Variants in LRRK2 observed in about 807,000 individuals in gnomAD.
LRRK2 encodes the protein leucine-rich repeat serine/threonine-protein kinase 2.
LRRK2 carries 203 observed loss-of-function variants against 302.6 expected under a neutral mutation model. The observed-to-expected ratio is 0.67, with a 90% CI of 0.60 to 0.75. The LOEUF (loss-of-function observed/expected upper bound fraction) is 0.75. Ranked by LOEUF, LRRK2 falls within the 30% of genes least tolerant of loss-of-function variation. The pLI is 0.00. For synonymous variants in LRRK2, 1,066 were observed against 1,031.9 expected, an observed-to-expected ratio of 1.03 and a Z score of -0.63; for missense variants, 2,830 against 2,951.0, an observed-to-expected ratio of 0.96 and a Z score of 0.95.
rs1172937056 is a variant in LRRK2, at chr12:40,298,392, T to C, written c.3246T>C (p.Cys1082=). The C allele has an allele frequency of 6.2e-7, 1 of 1,614,008 alleles. No individual in the cohort carries two copies. Among genetic ancestry groups the C allele is most frequent in the East Asian group, 2.2e-5 (1 of 44,852 alleles). ...TGGTTTTAGATCCTACAGTGAAATG[T>C]CCAACTCTGAAACAGTTTAACCTGT... is the stretch of plus-strand genomic sequence containing the variant. ...PSVVLDPTVK[C]PTLKQFNLSY... is the part of the protein sequence containing the mutation. Residue 1082 remains cysteine (C), a synonymous_variant, in exon 24 of 51, where the codon TGT becomes TGC. Transcript: ENST00000298910.
chr12:40,280,889 A>G (rs1478929810), intron 18 of LRRK2, among the ~76,000 whole-genome samples: 1 of 151,588 alleles, frequency 6.6e-6, no homozygotes, highest in Non-Finnish European at 1.5e-5. Context: ...ACCCGGTGAA[A>G]CCTTGTTTCT....
At chr12:40,254,795 T>C (rs886302046) in intron 11 of LRRK2, among the ~76,000 whole-genome samples, 11 of 152,180 alleles carry the variant, frequency 7.2e-5, no homozygotes, top group African/African-American at 2.7e-4. Flanking sequence ...TCCTTACTTC[T>C]TTGTTCCTGA....
rs573319013 is a variant in LRRK2, at chr12:40,255,017, C to T, written c.1288+2001C>T. The stretch of plus-strand genomic sequence containing the variant: ...CATTGGCAGGCAGAAGAACTGCGTC[C>T]TTGGAATCATGGAGGTCCCAAGGTT... On this transcript the variant is annotated intron_variant, in intron 11 of 50. Coordinates refer to ENST00000298910, the MANE Select transcript of LRRK2 (RefSeq NM_198578.4). Among the ~76,000 whole-genome samples the T allele has an allele frequency of 2.0e-5, 3 of 152,226 alleles. No homozygotes were observed. In the East Asian group the frequency reaches 5.8e-4, roughly 29 times the overall value.
intron 7 of LRRK2, among the ~76,000 whole-genome samples, chr12:40,246,283 A>G (rs140733093): frequency 3.0e-4 from 46 of 151,948 alleles, no homozygotes; most frequent in African/African-American, 1.1e-3. Context: ...TTATGTTAAT[A>G]TGAAGAAATA....
Position 40,263,991 on chromosome 12 carries a change from T to G in LRRK2, c.1656+90T>G, listed in dbSNP as rs987204480. 4.5e-6 allele frequency: 4 copies of G among 890,322 alleles called. No individual in the cohort carries two copies. The African/African-American group carries it at 5.1e-5, about 11-fold the overall frequency. 55.2% of individuals were successfully genotyped at this position (890,322 alleles called of 1,614,324 possible). On this transcript the variant is annotated intron_variant, in intron 14 of 50. Transcript: ENST00000298910. ...GGGCGCTTTTTCAGTCTAAGTTTTC[T>G]GTTCTCCGTTTGCTATGATAGGAGG...
At chr12:40,291,380 T>G (rs1356439537) in intron 20 of LRRK2, among the ~76,000 whole-genome samples, 3 of 151,552 alleles carry the variant, frequency 2.0e-5, no homozygotes, top group Non-Finnish European at 4.4e-5. Context: ...TATACATATG[T>G]AACAAACCTG....
At chr12:40,348,540 C>G in intron 43 of LRRK2, 31 bp downstream of exon 43, 1 of 1,425,472 alleles carries the variant, frequency 7.0e-7, no homozygotes, top group South Asian at 1.2e-5. Flanking sequence ...ATATTTTGTA[C>G]AGAACATCAT....
intron 35 of LRRK2, 104 bp downstream of exon 35, chr12:40,321,292 T>C: frequency 8.8e-7 from 1 of 1,131,564 alleles, no homozygotes; most frequent in Non-Finnish European, 1.3e-6. Flanking sequence ...TAATATGCCA[T>C]TTTCTCAGAG....
chr12:40,259,468 T>C lies in LRRK2; in HGVS notation c.1419-12T>C. The C allele has an allele frequency of 1.2e-6, 2 of 1,612,958 alleles. No individual in the cohort carries two copies. The highest frequency in any genetic ancestry group is 1.7e-6 in the Non-Finnish European group (2 of 1,179,182). Reference sequence around the variant, plus strand: ...CAGTCTTTCAATAAGCATGCCAATTTTATATCCCCAGCAACACTTCCCTGG... The same window carrying C: ...CAGTCTTTCAATAAGCATGCCAATTCTATATCCCCAGCAACACTTCCCTGG... On this transcript the variant is annotated splice_polypyrimidine_tract_variant and intron_variant, in intron 12 of 50. Transcript: ENST00000298910.
At chr12:40,324,528 C>G (rs981115600) in intron 38 of LRRK2, among the ~76,000 whole-genome samples, 1 of 152,218 alleles carries the variant, frequency 6.6e-6, no homozygotes, top group Admixed American at 6.5e-5. Flanking sequence ...ACAATTTTGA[C>G]CTTACTTTGT....
intron 7 of LRRK2, among the ~76,000 whole-genome samples, chr12:40,246,219 A>G (rs1186966203): frequency 6.6e-6 from 1 of 151,794 alleles, no homozygotes; most frequent in Non-Finnish European, 1.5e-5. Context: ...ATATTAAAAT[A>G]TTTAATTTTA....
At chr12:40,281,594 A>T (rs540858203) in intron 18 of LRRK2, among the ~76,000 whole-genome samples, 2 of 152,366 alleles carry the variant, frequency 1.3e-5, no homozygotes, top group East Asian at 3.9e-4. Context: ...TCCTGTCATG[A>T]AGCTGAAATT....
chr12:40,260,835 A>G (rs1286882013), intron 13 of LRRK2, among the ~76,000 whole-genome samples: 1 of 152,178 alleles, frequency 6.6e-6, no homozygotes, highest in Non-Finnish European at 1.5e-5. Flanking sequence ...TTGATGTGAC[A>G]TCGTGATCCC....
chr12:40,307,992 G>T (rs1051483587), intron 28 of LRRK2, among the ~76,000 whole-genome samples: 30 of 151,958 alleles, frequency 2.0e-4, no homozygotes, highest in African/African-American at 6.7e-4. Flanking sequence ...ATATTGGCCA[G>T]GCTGGTCTCA....
Position 40,305,770 on chromosome 12 carries a change from T to A in LRRK2, c.3778-15T>A. Reference sequence around the variant, plus strand: ...CTTCCCACCAACAGGTTTTGCCCTTTTTTTTCCCATTAAGATTCCTCCTGA... The same window carrying A: ...CTTCCCACCAACAGGTTTTGCCCTTATTTTTCCCATTAAGATTCCTCCTGA... On this transcript the variant is annotated splice_polypyrimidine_tract_variant and intron_variant, in intron 27 of 50. Coordinates refer to ENST00000298910, the MANE Select transcript of LRRK2 (RefSeq NM_198578.4). 6.2e-7 allele frequency: 1 copy of A among 1,612,940 alleles called. No homozygotes were observed. Among genetic ancestry groups the A allele is most frequent in the South Asian group, 1.1e-5 (1 of 91,052 alleles).
chr12:40,256,987 A>T (rs1204758657), intron 11 of LRRK2, among the ~76,000 whole-genome samples: 1 of 152,198 alleles, frequency 6.6e-6, no homozygotes. Context: ...CGGTGATTAC[A>T]TTAAAACCAT....
intron 45 of LRRK2, 104 bp from the exon 46 acceptor site, chr12:40,356,011 T>A (rs1025456512): frequency 5.6e-6 from 4 of 710,052 alleles, no homozygotes; most frequent in Non-Finnish European, 9.8e-6. Flanking sequence ...GAATTTATAG[T>A]TGAGAAGTCT....
At chr12:40,241,805 T>C (rs1464194195) in intron 6 of LRRK2, among the ~76,000 whole-genome samples, 1 of 152,184 alleles carries the variant, frequency 6.6e-6, no homozygotes, top group Non-Finnish European at 1.5e-5. Context: ...CCAATGCCCT[T>C]GTGAAAGAAT....
chr12:40,277,367 C>A (rs1198299060), intron 16 of LRRK2, among the ~76,000 whole-genome samples: 1 of 152,148 alleles, frequency 6.6e-6, no homozygotes, highest in Non-Finnish European at 1.5e-5. Context: ...CGCTTCTCAA[C>A]TACACTCAAC....
Sources: allele counts gnomAD v4.1 joint callset (sites outside exome capture counted in the v4.1 genomes callset), GRCh38; gene constraint gnomAD v4.1.1; transcripts MANE v1.5; gene names NCBI Gene and HGNC (gene_info 2026-07-23, HGNC 2026-07-21).